Variants in SMYD3 observed in about 807,000 individuals in gnomAD.
SMYD3 encodes the protein SET and MYND domain containing 3.
A neutral mutation model predicts 57.7 loss-of-function variants in SMYD3; 36 were observed. That is an observed-to-expected ratio of 0.62 (90% CI 0.48 to 0.82). The LOEUF (loss-of-function observed/expected upper bound fraction) is 0.82, where lower values mean the gene tolerates loss of function less well. SMYD3 is among the 40% of genes least tolerant of loss of function. The probability of loss-of-function intolerance (pLI) is 0.00; values close to 1 mark genes in which losing one functional copy is unlikely to be tolerated. For missense variants in SMYD3, 515 were observed against 538.8 expected, an observed-to-expected ratio of 0.96 and a Z score of 0.44; for synonymous variants, 211 against 195.0, an observed-to-expected ratio of 1.08 and a Z score of -0.68.
intron 5 of SMYD3, among the ~76,000 whole-genome samples, chr1:246,122,982 T>C (rs1344153165): frequency 1.3e-5 from 2 of 152,196 alleles, no homozygotes; most frequent in Non-Finnish European, 2.9e-5. Flanking sequence ...TGATTTTACT[T>C]TGATTTCCGT....
chr1:245,768,074 G>A (rs367554087), intron 10 of SMYD3, among the ~76,000 whole-genome samples: 1 of 152,108 alleles, frequency 6.6e-6, no homozygotes, highest in Non-Finnish European at 1.5e-5. Context: ...TTCAGAAATA[G>A]AAACGCTTCC....
chr1:245,823,627 C>A (rs1403725902), intron 10 of SMYD3, among the ~76,000 whole-genome samples: 1 of 152,238 alleles, frequency 6.6e-6, no homozygotes, highest in Non-Finnish European at 1.5e-5. Context: ...CCAACTTCCA[C>A]CTTGTTGACT....
intron 5 of SMYD3, among the ~76,000 whole-genome samples, chr1:246,048,354 G>T (rs2060005970): frequency 6.6e-6 from 1 of 152,132 alleles, no homozygotes; most frequent in Non-Finnish European, 1.5e-5. Context: ...ACGTGGCCTT[G>T]AAGAAAAGAA....
Position 245,977,047 on chromosome 1 carries a change from C to CTAGCCCAGGGAAAGCCAT in SMYD3, c.532-47111_532-47110insATGGCTTTCCCTGGGCTA, listed in dbSNP as rs1491340831. On this transcript the variant is annotated intron_variant, in intron 5 of 11. Coordinates refer to ENST00000490107, the MANE Select transcript of SMYD3 (RefSeq NM_001167740.2). The stretch of plus-strand genomic sequence containing the variant: ...TCTAGCCCAGGGAAAGCCATCGTCT[C>CTAGCCCAGGGAAAGCCAT]CGGCCCAGGGAAAGCCATCGTCTCT... 8.9e-5 allele frequency among the ~76,000 whole-genome samples: 10 copies of CTAGCCCAGGGAAAGCCAT among 112,984 alleles called. 2 individuals carry two copies. The highest frequency in any genetic ancestry group is 1.4e-4 in the African/African-American group (4 of 29,050). 74.1% of individuals were successfully genotyped at this position (112,984 alleles called of 152,430 possible). A position where few individuals can be genotyped will look rare whatever the true frequency, so the allele number is the denominator to read the frequency against.
chr1:246,066,392 G>T (rs185092441), intron 5 of SMYD3, among the ~76,000 whole-genome samples: 2 of 151,954 alleles, frequency 1.3e-5, no homozygotes, highest in East Asian at 1.9e-4. Flanking sequence ...GTTTCTTCAT[G>T]TAGGTTAAGA....
intron 1 of SMYD3, among the ~76,000 whole-genome samples, chr1:246,488,151 T>G (rs1037009140): frequency 6.6e-6 from 1 of 152,094 alleles, no homozygotes; most frequent in African/African-American, 2.4e-5. Flanking sequence ...GACCGAAAAA[T>G]TATTATATTA....
chr1:246,126,308 TAAC>T (rs2061509308), intron 5 of SMYD3, among the ~76,000 whole-genome samples: 2 of 152,318 alleles, frequency 1.3e-5, no homozygotes, highest in South Asian at 4.1e-4. Context: ...CAGCCTTAGA[TAAC>T]AAATAATTAC....
chr1:245,797,828 C>CCAAAAAA (rs2047609803), intron 10 of SMYD3, among the ~76,000 whole-genome samples: 1 of 109,434 alleles, frequency 9.1e-6, no homozygotes, highest in African/African-American at 3.8e-5. Flanking sequence ...TTCCGGGTTC[C>CCAAAAAA]AAAAAAAAAA....
chr1:246,277,726 T>C (rs114812938), intron 5 of SMYD3, among the ~76,000 whole-genome samples: 3,761 of 152,258 alleles, frequency 0.025, 75 homozygotes, highest in Non-Finnish European at 0.039. Context: ...ACAAACGACA[T>C]GGATGAACCT....
intron 5 of SMYD3, among the ~76,000 whole-genome samples, chr1:246,110,827 G>A (rs952736501): frequency 2.6e-5 from 4 of 152,186 alleles, no homozygotes; most frequent in African/African-American, 9.7e-5. Context: ...CTGCCTGGCT[G>A]CAGTGCAGCC....
chr1:246,210,476 G>A lies in SMYD3; in HGVS notation c.531+116725C>T, dbSNP rs576347246. The stretch of plus-strand genomic sequence containing the variant: ...TGGCTCTACAGCACTTTGGGAGGCC[G>A]AGGTGGGTGGTTCACCTGAGGTCAG... On this transcript the variant is annotated intron_variant, in intron 5 of 11. Coordinates refer to ENST00000490107, the MANE Select transcript of SMYD3 (RefSeq NM_001167740.2). Among the ~76,000 whole-genome samples, 9 of 152,130 alleles carry A rather than the reference G, an allele frequency of 5.9e-5. No individual in the cohort carries two copies. The South Asian group carries it at 6.2e-4, about 11-fold the overall frequency.
chr1:245,934,932 C>T lies in SMYD3; in HGVS notation c.532-4995G>A, dbSNP rs576364706. On this transcript the variant is annotated intron_variant, in intron 5 of 11. Coordinates refer to ENST00000490107, the MANE Select transcript of SMYD3 (RefSeq NM_001167740.2). ...CATCTTCACTACACTGCTAGTCTTG[C>T]GACAGTTTGACATTATAGTTTTCCA... 3.9e-4 allele frequency among the ~76,000 whole-genome samples: 59 copies of T among 152,272 alleles called. 1 individual carries two copies. The highest frequency in any genetic ancestry group is 7.7e-4 in the African/African-American group (32 of 41,548).
At chr1:245,866,424 AAATGCCCT>A (rs2051849483) in intron 8 of SMYD3, among the ~76,000 whole-genome samples, 1 of 152,112 alleles carries the variant, frequency 6.6e-6, no homozygotes, top group African/African-American at 2.4e-5. Context: ...GGAGGAGATA[AAATGCCCT>A]TAAGAAGGTA....
chr1:246,386,016 G>A (rs1248931029), intron 1 of SMYD3, among the ~76,000 whole-genome samples: 9 of 152,050 alleles, frequency 5.9e-5, no homozygotes, highest in African/African-American at 1.9e-4. Context: ...AGCCTCCCAA[G>A]TAGCTGGGAC....
chr1:245,823,874 G>A (rs1382632082), intron 10 of SMYD3, among the ~76,000 whole-genome samples: 1 of 152,204 alleles, frequency 6.6e-6, no homozygotes, highest in African/African-American at 2.4e-5. Flanking sequence ...GTACTATGGG[G>A]TGGGCAAAGT....
At chr1:245,984,790 T>C (rs1470558157) in intron 5 of SMYD3, among the ~76,000 whole-genome samples, 2 of 152,300 alleles carry the variant, frequency 1.3e-5, no homozygotes, top group African/African-American at 2.4e-5. Context: ...AAATTTGTCA[T>C]CTTAAAACAT....
At chr1:246,464,790 T>C (rs563125602) in intron 1 of SMYD3, among the ~76,000 whole-genome samples, 5 of 152,368 alleles carry the variant, frequency 3.3e-5, no homozygotes. Context: ...CAACTGGTTC[T>C]GTGTAGTCTT....
At chr1:246,244,679 T>A (rs996052622) in intron 5 of SMYD3, among the ~76,000 whole-genome samples, 3 of 152,140 alleles carry the variant, frequency 2.0e-5, no homozygotes, top group Non-Finnish European at 2.9e-5. Flanking sequence ...TTATAAAAAT[T>A]ACTTTTGCTT....
chr1:246,289,168 A>C (rs535519046), intron 5 of SMYD3, among the ~76,000 whole-genome samples: 1 of 152,182 alleles, frequency 6.6e-6, no homozygotes, highest in Admixed American at 6.5e-5. Context: ...TATCCAAAAC[A>C]TGAAAAAAGA....
Sources: allele counts gnomAD v4.1 joint callset (sites outside exome capture counted in the v4.1 genomes callset), GRCh38; gene constraint gnomAD v4.1.1; transcripts MANE v1.5; gene names NCBI Gene and HGNC (gene_info 2026-07-23, HGNC 2026-07-21).